SYNE1: variants seen among roughly 807,000 people sequenced by gnomAD.
SYNE1 encodes spectrin repeat containing nuclear envelope protein 1.
In SYNE1, 616 loss-of-function variants were observed where a neutral mutation model predicts 1,111.0. The observed-to-expected ratio is 0.55, with a 90% CI of 0.52 to 0.59. The LOEUF is 0.59. Among genes scored for constraint, SYNE1 ranks in the 20% least tolerant of loss-of-function variants. The probability of loss-of-function intolerance (pLI) is 0.00; values close to 1 mark genes in which losing one functional copy is unlikely to be tolerated. For missense variants in SYNE1, 10,006 were observed against 10,417.0 expected (o/e 0.96, Z 1.72); for synonymous variants, 3,855 against 3,825.8 (o/e 1.01, Z -0.28).
At chr6:152,407,249 AT>A (rs2097914611) in intron 44 of SYNE1, 53 bp from the exon 45 acceptor site, 1 of 1,558,166 alleles carries the variant, frequency 6.4e-7, no homozygotes, top group South Asian at 1.1e-5. Flanking sequence ...TAAGATGATC[AT>A]CCCCCAACCA....
chr6:152,346,986 G>A, intron 73 of SYNE1, 73 bp downstream of exon 73: 2 of 1,550,650 alleles, frequency 1.3e-6, no homozygotes, highest in Non-Finnish European at 1.8e-6. Context: ...GATTCTATTT[G>A]TAAAAAGTCT....
chr6:152,131,691 C>G (rs1338072387), intron 144 of SYNE1, among the ~76,000 whole-genome samples: 1 of 152,108 alleles, frequency 6.6e-6, no homozygotes, highest in African/African-American at 2.4e-5. Flanking sequence ...TCAACAGAAC[C>G]TCCACTTGCC....
chr6:152,435,789 C>G, intron 33 of SYNE1, 152 bp downstream of exon 33: 1 of 956,322 alleles, frequency 1.0e-6, no homozygotes, highest in Non-Finnish European at 1.6e-6. Flanking sequence ...ATTAGCGATA[C>G]TTTCTTTTGA....
intron 44 of SYNE1, among the ~76,000 whole-genome samples, chr6:152,407,911 G>T (rs978622665): frequency 6.6e-6 from 1 of 151,714 alleles, no homozygotes; most frequent in Admixed American, 6.6e-5. Context: ...ACAGGCGCTC[G>T]CCACCACGCC....
At chr6:152,522,799 A>T (rs935804922) in intron 5 of SYNE1, among the ~76,000 whole-genome samples, 1 of 151,972 alleles carries the variant, frequency 6.6e-6, no homozygotes, top group Admixed American at 6.6e-5. Flanking sequence ...CATTTCCCTG[A>T]TGACTAGTTA....
chr6:152,375,671 C>T (rs1034163834), intron 58 of SYNE1, among the ~76,000 whole-genome samples: 3 of 152,160 alleles, frequency 2.0e-5, no homozygotes, highest in Non-Finnish European at 4.4e-5. Context: ...GCTCTGTGAC[C>T]TCACTGACGC....
At chr6:152,170,629 A>G (rs145256832) in intron 130 of SYNE1, among the ~76,000 whole-genome samples, 1 of 152,096 alleles carries the variant, frequency 6.6e-6, no homozygotes, top group African/African-American at 2.4e-5. Flanking sequence ...ATTTCCTTTG[A>G]CCTCCAACGT....
At chr6:152,161,812 A>C (rs2062565526) in intron 131 of SYNE1, among the ~76,000 whole-genome samples, 1 of 152,136 alleles carries the variant, frequency 6.6e-6, no homozygotes, top group African/African-American at 2.4e-5. Flanking sequence ...AGTATCACTA[A>C]TTGAAGGTAC....
chr6:152,478,011 C>G (rs957421121), intron 14 of SYNE1, among the ~76,000 whole-genome samples: 5 of 152,188 alleles, frequency 3.3e-5, no homozygotes, highest in African/African-American at 1.2e-4. Context: ...ATGTGCTCCT[C>G]CTGCCTTGGC....
In SYNE1 at chr6:152,350,773, T is replaced by G; in HGVS notation, c.11581-3A>C. The G allele has an allele frequency of 1.3e-6, 2 of 1,573,984 alleles. No individual in the cohort carries two copies. The highest frequency in any genetic ancestry group is 1.5e-5 in the African/African-American group (1 of 65,320). On this transcript the variant is annotated splice_region_variant and splice_polypyrimidine_tract_variant and intron_variant, in intron 70 of 145. Transcript: ENST00000367255. ...GACAGCACCGTTTGTTGAAGTGACT[T>G]GAATTACAAAGAAAAAAAAATGAGC...
intron 105 of SYNE1, among the ~76,000 whole-genome samples, chr6:152,244,922 T>C (rs2086731383): frequency 6.6e-6 from 1 of 152,150 alleles, no homozygotes; most frequent in South Asian, 2.1e-4. Context: ...GAGAAGGATG[T>C]CTTGCTTAAA....
chr6:152,537,227 T>A (rs1283702809), intron 4 of SYNE1, among the ~76,000 whole-genome samples: 2 of 152,136 alleles, frequency 1.3e-5, no homozygotes, highest in Non-Finnish European at 2.9e-5. Context: ...TAATGTTATA[T>A]CAACAATTTG....
At chr6:152,376,273 C>A in intron 58 of SYNE1, 108 bp downstream of exon 58, 1 of 1,238,682 alleles carries the variant, frequency 8.1e-7, no homozygotes, top group Non-Finnish European at 1.2e-6. Flanking sequence ...TCCTAACAGG[C>A]CAGGGACCTG....
rs1367451351 is a variant in SYNE1, at chr6:152,309,815, T to C, written c.17202+20A>G. 2.5e-6 allele frequency: 4 copies of C among 1,613,024 alleles called. No homozygotes were observed. The highest frequency in any genetic ancestry group is 1.1e-5 in the South Asian group (1 of 91,034). ...GATTCATCAGCAATTGCTCTACTGG[T>C]GTGGGTACCCTGCACCTGCCTGCAT... On this transcript the variant is annotated intron_variant, in intron 90 of 145. Transcript: ENST00000367255.
chr6:152,331,568 G>C lies in SYNE1; in HGVS notation c.13117C>G (p.Gln4373Glu), dbSNP rs200514441. The C allele has an allele frequency of 9.3e-6, 15 of 1,614,036 alleles. No individual in the cohort carries two copies. In the East Asian group the frequency reaches 3.1e-4, roughly 34 times the overall value. ...TGAGCCATATCTGGAGGAGGGCTCT[G>C]CTTAAGGGCCTCGGCGATGTTGGGT... ...QQPNIAEALK[Q>E]SPPPDMAQNL... Residue 4373 changes from glutamine (Q) to glutamate (E), a missense_variant, in exon 78 of 146, where the codon CAG (glutamine) becomes GAG (glutamate). Physicochemically the swap from Gln to Glu is conservative, Grantham distance 29. Coordinates refer to ENST00000367255, the MANE Select transcript of SYNE1 (RefSeq NM_182961.4).
At chr6:152,516,934 A>G (rs1250584367) in intron 6 of SYNE1, among the ~76,000 whole-genome samples, 1 of 152,164 alleles carries the variant, frequency 6.6e-6, no homozygotes, top group Admixed American at 6.5e-5. Flanking sequence ...TCAGCTTTCA[A>G]TGAAAAATTA....
At chr6:152,385,617 A>C in intron 55 of SYNE1, 57 bp downstream of exon 55, 2 of 1,592,620 alleles carry the variant, frequency 1.3e-6, no homozygotes, top group Non-Finnish European at 1.7e-6. Context: ...AATCTTTATC[A>C]AAAGTACTCA....
chr6:152,376,293 G>T lies in SYNE1; in HGVS notation c.9324+88C>A, dbSNP rs559997766. 10 of 1,441,990 alleles carry T rather than the reference G, an allele frequency of 6.9e-6. No individual in the cohort carries two copies. The South Asian group carries it at 1.0e-4, about 15-fold the overall frequency. The allele number at this position is 1,441,990 out of a possible 1,614,324, so 89.3% of individuals were successfully genotyped here. A position where few individuals can be genotyped will look rare whatever the true frequency, so the allele number is the denominator to read the frequency against. The stretch of plus-strand genomic sequence containing the variant: ...ACAGGCCAGGGACCTGTACCAGTCC[G>T]CGGCCCAGGAGATGGGGACCCTTGA... On this transcript the variant is annotated intron_variant, in intron 58 of 145. Coordinates refer to ENST00000367255, the MANE Select transcript of SYNE1 (RefSeq NM_182961.4).
chr6:152,251,585 C>T (rs796595890), intron 104 of SYNE1, among the ~76,000 whole-genome samples: 209 of 151,414 alleles, frequency 1.4e-3, no homozygotes, highest in African/African-American at 4.9e-3. Context: ...GGTGAAACCC[C>T]GTCTCTACTA....
Sources: allele counts gnomAD v4.1 joint callset (sites outside exome capture counted in the v4.1 genomes callset), GRCh38; gene constraint gnomAD v4.1.1; transcripts MANE v1.5; gene names NCBI Gene and HGNC (gene_info 2026-07-23, HGNC 2026-07-21).